The following SCLT1 variants were observed in gnomAD, a reference collection of about 807,000 sequenced individuals.
SCLT1 encodes the protein sodium channel and clathrin linker 1, also known as sodium channel-associated protein 1.
Under a neutral mutation model 112.8 loss-of-function variants are expected in SCLT1, and 78 were observed. That is an observed-to-expected ratio of 0.69 (90% CI 0.58 to 0.83). SCLT1 has a LOEUF of 0.83. Ranked by LOEUF, SCLT1 falls within the 40% of genes least tolerant of loss-of-function variation. The pLI is 0.00. For missense variants in SCLT1, 747 were observed against 770.4 expected, an observed-to-expected ratio of 0.97 and a Z score of 0.36; for synonymous variants, 257 against 254.7, an observed-to-expected ratio of 1.01 and a Z score of -0.09.
At chr4:129,000,762 G>T (rs893516598) in intron 6 of SCLT1, among the ~76,000 whole-genome samples, 7 of 151,770 alleles carry the variant, frequency 4.6e-5, no homozygotes, top group Non-Finnish European at 8.8e-5. Flanking sequence ...TTCAGAAAAT[G>T]AACAAATTGT....
intron 2 of SCLT1, among the ~76,000 whole-genome samples, chr4:129,057,117 T>A (rs1749474771): frequency 6.6e-6 from 1 of 152,236 alleles, no homozygotes. Context: ...TTCTTCATTC[T>A]TAGATGTGAT....
At chr4:129,011,748 T>C (rs116564049) in intron 5 of SCLT1, among the ~76,000 whole-genome samples, 2,672 of 152,226 alleles carry the variant, frequency 0.018, 95 homozygotes, top group African/African-American at 0.062. Context: ...TTCAATTTCC[T>C]CCTGGTTTAG....
intron 5 of SCLT1, among the ~76,000 whole-genome samples, chr4:129,008,520 T>C (rs1744229544): frequency 6.6e-6 from 1 of 152,330 alleles, no homozygotes; most frequent in South Asian, 2.1e-4. Context: ...GATCTTTTGC[T>C]ACTTTTGAAA....
intron 10 of SCLT1, 91 bp downstream of exon 10, chr4:128,970,287 A>G: frequency 1.4e-6 from 1 of 722,076 alleles, no homozygotes; most frequent in Non-Finnish European, 2.4e-6. Flanking sequence ...ATCTTCTGAC[A>G]ACCCTCTTTA....
At chr4:129,071,318 C>A (rs1280167020) in intron 2 of SCLT1, among the ~76,000 whole-genome samples, 1 of 152,088 alleles carries the variant, frequency 6.6e-6, no homozygotes, top group Non-Finnish European at 1.5e-5. Context: ...TAGTTTAAAT[C>A]CCTTGTTTCT....
intron 3 of SCLT1, among the ~76,000 whole-genome samples, chr4:128,877,257 A>G (rs1350279832): frequency 6.6e-6 from 1 of 152,202 alleles, no homozygotes; most frequent in Non-Finnish European, 1.5e-5. Context: ...TCTCCAATTT[A>G]CAGATGAGGA....
At chr4:128,975,230 G>A (rs755796028) in intron 9 of SCLT1, among the ~76,000 whole-genome samples, 20 of 151,494 alleles carry the variant, frequency 1.3e-4, no homozygotes, top group Admixed American at 3.9e-4. Context: ...CAGTAGAGAC[G>A]GGGTTTCACC....
intron 14 of SCLT1, among the ~76,000 whole-genome samples, chr4:128,951,892 T>G (rs1738776837): frequency 6.6e-6 from 1 of 152,200 alleles, no homozygotes; most frequent in African/African-American, 2.4e-5. Flanking sequence ...GATCCCGTCA[T>G]GTGCTCTCCA....
At chr4:128,991,528 A>T (rs1377371543) in intron 9 of SCLT1, among the ~76,000 whole-genome samples, 2 of 151,698 alleles carry the variant, frequency 1.3e-5, no homozygotes, top group East Asian at 1.9e-4. Context: ...ATAAGTAAAT[A>T]AAAAAACCCA....
intron 18 of SCLT1, among the ~76,000 whole-genome samples, chr4:128,901,720 A>G (rs1734319556): frequency 6.6e-6 from 1 of 152,000 alleles, no homozygotes; most frequent in African/African-American, 2.4e-5. Flanking sequence ...CCTTCTTTTC[A>G]GGTCTCCTTT....
At chr4:128,932,933 A>T (rs999472720) in intron 18 of SCLT1, among the ~76,000 whole-genome samples, 18 of 152,202 alleles carry the variant, frequency 1.2e-4, no homozygotes, top group African/African-American at 4.1e-4. Context: ...CCAAAAACTG[A>T]TAAAAGAAAT....
chr4:128,929,046 A>G lies in SCLT1; in HGVS notation c.1829+7609T>C, dbSNP rs563422056. On this transcript the variant is annotated intron_variant, in intron 18 of 20. Coordinates refer to ENST00000281142, the MANE Select transcript of SCLT1 (RefSeq NM_144643.4). ...TTGCATTGGAAGTCCTAGCTAGTGC[A>G]ATAAGCAAGAAAGAGAAACAAAACA... Among the ~76,000 whole-genome samples the G allele has an allele frequency of 2.6e-5, 4 of 152,336 alleles. No homozygotes were observed. In the East Asian group the frequency reaches 7.7e-4, roughly 29 times the overall value.
intron 9 of SCLT1, among the ~76,000 whole-genome samples, chr4:128,988,190 T>A (rs1742264414): frequency 6.6e-6 from 1 of 152,060 alleles, no homozygotes; most frequent in South Asian, 2.1e-4. Flanking sequence ...CTGTTTAGAC[T>A]CCTTTAATTG....
chr4:128,979,341 G>A (rs36000518), intron 9 of SCLT1, among the ~76,000 whole-genome samples: 4,669 of 152,186 alleles, frequency 0.031, 92 homozygotes, highest in South Asian at 0.052. Flanking sequence ...CCTTTTGGGA[G>A]GTGATTAGGT....
chr4:128,948,592 TA>T, intron 14 of SCLT1, 22 bp from the exon 15 acceptor site: 1 of 1,545,818 alleles, frequency 6.5e-7, no homozygotes, highest in Non-Finnish European at 8.9e-7. Context: ...AGTCATATTG[TA>T]AATATATACA....
At position 129,013,559 on chromosome 4, in the gene SCLT1, C is replaced by T. The variant is rs558801347; in HGVS notation, c.291-9683G>A. Among the ~76,000 whole-genome samples the T allele has an allele frequency of 1.8e-4, 27 of 152,166 alleles. No individual in the cohort carries two copies. The South Asian group carries it at 4.4e-3, about 25-fold the overall frequency. On this transcript the variant is annotated intron_variant, in intron 5 of 20. Coordinates refer to ENST00000281142, the MANE Select transcript of SCLT1 (RefSeq NM_144643.4). ...CCTGAAAATGATCTTATTTCTCCTTCGCTTATGAAGTTTGGTTTGGCTGGA... is the reference window on the plus strand; with the variant it reads ...CCTGAAAATGATCTTATTTCTCCTTTGCTTATGAAGTTTGGTTTGGCTGGA...
chr4:128,919,498 A>C (rs1735718913), intron 18 of SCLT1, among the ~76,000 whole-genome samples: 1 of 152,074 alleles, frequency 6.6e-6, no homozygotes, highest in Non-Finnish European at 1.5e-5. Flanking sequence ...TTAACATCAC[A>C]CCTAGAGGAA....
At chr4:129,047,968 T>C (rs1024424949) in intron 2 of SCLT1, among the ~76,000 whole-genome samples, 3 of 152,140 alleles carry the variant, frequency 2.0e-5, no homozygotes, top group Admixed American at 6.6e-5. Flanking sequence ...TCCTGAACAA[T>C]ACAGAAGCTT....
intron 8 of SCLT1, 50 bp from the exon 9 acceptor site, chr4:128,992,287 T>C (rs767140975): frequency 2.6e-6 from 3 of 1,152,932 alleles, no homozygotes; most frequent in African/African-American, 1.6e-5. Context: ...AATAACTGTA[T>C]CTTTAAAGAT....
Sources: allele counts gnomAD v4.1 joint callset (sites outside exome capture counted in the v4.1 genomes callset), GRCh38; gene constraint gnomAD v4.1.1; transcripts MANE v1.5; gene names NCBI Gene and HGNC (gene_info 2026-07-23, HGNC 2026-07-21).